The following MSI2 variants were observed in gnomAD, a reference collection of about 807,000 sequenced individuals.
MSI2 encodes the protein musashi RNA binding protein 2, also known as RNA-binding protein Musashi homolog 2.
MSI2 carries 17 observed loss-of-function variants against 45.6 expected under a neutral mutation model. The ratio of observed to expected loss-of-function variants is 0.37; its 90% confidence interval spans 0.26 to 0.56. The LOEUF (loss-of-function observed/expected upper bound fraction) is 0.56, where lower values mean the gene tolerates loss of function less well. Ranked by LOEUF, MSI2 falls within the 20% of genes least tolerant of loss-of-function variation. The pLI is 0.77. For synonymous variants in MSI2, 156 were observed against 158.2 expected (o/e 0.99, Z 0.11); for missense variants, 293 against 444.2 (o/e 0.66, Z 3.06).
chr17:57,695,061 C>T, the MSI2 span, among the ~76,000 whole-genome samples: 1 of 152,194 alleles, frequency 6.6e-6, no homozygotes. Flanking sequence ...CACAGCATGT[C>T]ATAGCTGAAA....
chr17:57,388,114 A>G (rs2083716897), intron 5 of MSI2, among the ~76,000 whole-genome samples: 1 of 152,164 alleles, frequency 6.6e-6, no homozygotes, highest in Non-Finnish European at 1.5e-5. Flanking sequence ...TTCAGCCTCT[A>G]TGGCCCTCTT....
Position 57,675,119 on chromosome 17 carries a change from G to T in MSI2, c.938G>T (p.Gly313Val). 6.2e-7 allele frequency: 1 copy of T among 1,612,866 alleles called. No individual in the cohort carries two copies. The highest frequency in any genetic ancestry group is 1.1e-5 in the South Asian group (1 of 90,858). Residue 313 changes from glycine (G) to valine (V), a missense_variant, in exon 12 of 14, where the codon GGC (glycine) becomes GTC (valine). By Grantham distance (109) the Gly-to-Val change is moderately radical. Transcript: ENST00000284073. ...SPQPGSGFGH[G>V]IAGPLIATAF... ...CAGCCGGGCTCGGGCTTCGGCCACG[G>T]CATAGCTGTAAGTACCTGCCTTCCC...
At chr17:57,513,856 A>C (rs2086410958) in intron 6 of MSI2, among the ~76,000 whole-genome samples, 1 of 152,206 alleles carries the variant, frequency 6.6e-6, no homozygotes, top group Non-Finnish European at 1.5e-5. Flanking sequence ...TTCTGGAGCT[A>C]AAGTAGGAAA....
intron 6 of MSI2, among the ~76,000 whole-genome samples, chr17:57,442,322 A>G (rs865938265): frequency 3.3e-5 from 5 of 152,222 alleles, no homozygotes; most frequent in African/African-American, 1.2e-4. Flanking sequence ...GGCGTGAGCC[A>G]CTGCGCCTGG....
chr17:57,318,645 G>T (rs75755766), intron 5 of MSI2, among the ~76,000 whole-genome samples: 3 of 151,684 alleles, frequency 2.0e-5, no homozygotes, highest in Admixed American at 6.6e-5. Flanking sequence ...TGCCTGTTGT[G>T]GGGGGTGGGG....
intron 5 of MSI2, among the ~76,000 whole-genome samples, chr17:57,357,377 T>C (rs1029083473): frequency 6.6e-6 from 1 of 151,604 alleles, no homozygotes; most frequent in African/African-American, 2.4e-5. Context: ...AGGAAGTGGG[T>C]GGTGTGGTGT....
chr17:57,255,862 G>C (rs1906667177), upstream of MSI2: 1 of 152,256 alleles, frequency 6.6e-6, no homozygotes, highest in South Asian at 2.1e-4. Context: ...GAGCCAGAGA[G>C]AACTTCCAGC....
chr17:57,587,708 T>G (rs1215021729), intron 7 of MSI2, among the ~76,000 whole-genome samples: 2 of 152,174 alleles, frequency 1.3e-5, no homozygotes, highest in Non-Finnish European at 2.9e-5. Flanking sequence ...GAGCCACTTG[T>G]AATTCCCCAC....
chr17:57,572,954 G>C (rs2087917272), intron 7 of MSI2, among the ~76,000 whole-genome samples: 1 of 152,240 alleles, frequency 6.6e-6, no homozygotes, highest in Admixed American at 6.5e-5. Flanking sequence ...ATTCTCACTG[G>C]AACTGCTGTG....
chr17:57,445,142 G>T (rs1347674597), intron 6 of MSI2, among the ~76,000 whole-genome samples: 6 of 152,200 alleles, frequency 3.9e-5, no homozygotes. Flanking sequence ...CCTGGCTCCA[G>T]AGGAGTCGCC....
chr17:57,608,932 A>G (rs1906946218), intron 8 of MSI2, among the ~76,000 whole-genome samples: 2 of 152,188 alleles, frequency 1.3e-5, no homozygotes, highest in South Asian at 4.1e-4. Flanking sequence ...GCAGGAGAGC[A>G]GTGACCAGGA....
intron 5 of MSI2, among the ~76,000 whole-genome samples, chr17:57,319,873 C>G (rs1031493298): frequency 1.3e-5 from 2 of 152,166 alleles, no homozygotes; most frequent in Non-Finnish European, 2.9e-5. Flanking sequence ...CACAGCCTCC[C>G]AAAGTGCTGG....
At chr17:57,555,852 AC>A (rs1223204875) in intron 7 of MSI2, among the ~76,000 whole-genome samples, 3 of 152,216 alleles carry the variant, frequency 2.0e-5, no homozygotes, top group African/African-American at 7.2e-5. Context: ...CAAAGGTCAC[AC>A]AACTACCTTC....
intron 5 of MSI2, among the ~76,000 whole-genome samples, chr17:57,348,906 A>G (rs768796419): frequency 6.6e-6 from 1 of 152,162 alleles, no homozygotes; most frequent in Non-Finnish European, 1.5e-5. Flanking sequence ...ATTAGGAAAG[A>G]TCTGATATTA....
At chr17:57,379,878 C>T (rs1002967397) in intron 5 of MSI2, among the ~76,000 whole-genome samples, 2 of 152,236 alleles carry the variant, frequency 1.3e-5, no homozygotes, top group African/African-American at 4.8e-5. Context: ...CTCCCCACCC[C>T]TCCCAACTTC....
chr17:57,277,147 C>T (rs1908942725), intron 5 of MSI2, among the ~76,000 whole-genome samples: 1 of 151,306 alleles, frequency 6.6e-6, no homozygotes, highest in African/African-American at 2.4e-5. Context: ...CCTCCGCCTC[C>T]TGGGTTCAAG....
intron 5 of MSI2, among the ~76,000 whole-genome samples, chr17:57,374,935 C>T (rs529522388): frequency 1.3e-5 from 2 of 152,222 alleles, no homozygotes; most frequent in South Asian, 4.1e-4. Context: ...TCTTGGTTTC[C>T]ATCTCTTCAG....
chr17:57,256,853 T>G (rs1406772225), intron 1 of MSI2, 49 bp downstream of exon 1: 3 of 1,377,310 alleles, frequency 2.2e-6, no homozygotes, highest in Non-Finnish European at 2.9e-6. Flanking sequence ...TCGCTCTCCT[T>G]GCAGCGGCGG....
intron 11 of MSI2, among the ~76,000 whole-genome samples, chr17:57,671,156 T>G (rs915414024): frequency 6.6e-6 from 1 of 152,072 alleles, no homozygotes; most frequent in Non-Finnish European, 1.5e-5. Flanking sequence ...ATGCTGCTGA[T>G]GAAATGAACC....
Sources: allele counts gnomAD v4.1 joint callset (sites outside exome capture counted in the v4.1 genomes callset), GRCh38; gene constraint gnomAD v4.1.1; transcripts MANE v1.5; gene names NCBI Gene and HGNC (gene_info 2026-07-23, HGNC 2026-07-21).